Variants in SLC35F3 observed in about 807,000 individuals in gnomAD.
SLC35F3 encodes the protein putative thiamine transporter SLC35F3.
SLC35F3 carries 25 observed loss-of-function variants against 49.9 expected under a neutral mutation model. The ratio of observed to expected loss-of-function variants is 0.50; its 90% CI spans 0.37 to 0.70. The LOEUF (loss-of-function observed/expected upper bound fraction) is 0.70, where lower values mean the gene tolerates loss of function less well. Ranked by LOEUF, SLC35F3 falls within the 30% of genes least tolerant of loss-of-function variation. The probability of loss-of-function intolerance (pLI) is 0.00; values close to 1 mark genes in which losing one functional copy is unlikely to be tolerated. For missense variants in SLC35F3, 525 were observed against 639.8 expected (o/e 0.82, Z 1.94); for synonymous variants, 275 against 265.4 (o/e 1.04, Z -0.35).
intron 3 of SLC35F3, among the ~76,000 whole-genome samples, chr1:234,254,079 G>A (rs145041207): frequency 3.6e-4 from 55 of 152,276 alleles, no homozygotes; most frequent in African/African-American, 1.0e-3. Flanking sequence ...TTATTCTCTC[G>A]CTTGTGACTC....
intron 2 of SLC35F3, among the ~76,000 whole-genome samples, chr1:233,972,585 C>T (rs1455103825): frequency 6.6e-6 from 1 of 152,124 alleles, no homozygotes; most frequent in Non-Finnish European, 1.5e-5. Context: ...ATGGACCAAA[C>T]CATGCACAGC....
chr1:234,309,698 G>T (rs138541740), intron 4 of SLC35F3, among the ~76,000 whole-genome samples: 1 of 152,230 alleles, frequency 6.6e-6, no homozygotes. Flanking sequence ...GTGCCCTGCA[G>T]CCTGGAGCTT....
chr1:233,934,500 A>G (rs1164697158), intron 2 of SLC35F3, among the ~76,000 whole-genome samples: 2 of 152,250 alleles, frequency 1.3e-5, no homozygotes, highest in East Asian at 1.9e-4. Context: ...CTTGTTTTAC[A>G]AATTACCATT....
At chr1:234,019,926 A>C (rs1355684645) in intron 2 of SLC35F3, among the ~76,000 whole-genome samples, 5 of 152,216 alleles carry the variant, frequency 3.3e-5, no homozygotes, top group Non-Finnish European at 7.3e-5. Context: ...TGAGGTTGTT[A>C]CTCAGTTGAC....
At chr1:233,930,155 G>GA (rs55771904) in intron 2 of SLC35F3, among the ~76,000 whole-genome samples, 52,495 of 145,476 alleles carry the variant, frequency 0.36, 10,140 homozygotes, top group Admixed American at 0.53. Flanking sequence ...TTTCTTAAAA[G>GA]AAAAAAAAAA....
Position 234,097,838 on chromosome 1 carries a change from G to A in SLC35F3, c.284-133579G>A, listed in dbSNP as rs191510668. Among the ~76,000 whole-genome samples, 662 of 152,332 alleles carry A rather than the reference G, an allele frequency of 4.3e-3. 4 individuals carry two copies. Among genetic ancestry groups the A allele is most frequent in the African/African-American group, 0.015 (624 of 41,576 alleles). ...CAGGTGTGGTAGAGATAAGAATTTT[G>A]CATATATGAAAGAGATGAAGAGACA... On this transcript the variant is annotated intron_variant, in intron 2 of 7. Coordinates refer to ENST00000366618, the MANE Select transcript of SLC35F3 (RefSeq NM_173508.4).
At chr1:233,943,887 C>A (rs1212660322) in intron 2 of SLC35F3, among the ~76,000 whole-genome samples, 2 of 152,144 alleles carry the variant, frequency 1.3e-5, no homozygotes, top group African/African-American at 4.8e-5. Context: ...TTCCTTCATT[C>A]TTCTTTGAGG....
chr1:233,912,793 ACTTGTG>A (rs1661902631), intron 2 of SLC35F3, among the ~76,000 whole-genome samples: 2 of 152,144 alleles, frequency 1.3e-5, no homozygotes, highest in African/African-American at 4.8e-5. Flanking sequence ...ACAATTCAAA[ACTTGTG>A]ATATGTTTGT....
At chr1:234,115,807 A>G (rs952144854) in intron 2 of SLC35F3, among the ~76,000 whole-genome samples, 3 of 150,598 alleles carry the variant, frequency 2.0e-5, no homozygotes, top group African/African-American at 7.5e-5. Flanking sequence ...ATTGTAAACC[A>G]AAAAGTATCT....
intron 2 of SLC35F3, among the ~76,000 whole-genome samples, chr1:233,975,891 T>A (rs909866008): frequency 6.6e-6 from 1 of 152,192 alleles, no homozygotes; most frequent in African/African-American, 2.4e-5. Flanking sequence ...GACTTGAAGA[T>A]GTGCTTCAAT....
At chr1:234,070,675 A>G (rs573252731) in intron 2 of SLC35F3, among the ~76,000 whole-genome samples, 73 of 152,316 alleles carry the variant, frequency 4.8e-4, no homozygotes, top group African/African-American at 1.6e-3. Flanking sequence ...CATCAGGTTC[A>G]TAGAATTGTT....
At chr1:233,992,088 G>A (rs1663364633) in intron 2 of SLC35F3, among the ~76,000 whole-genome samples, 1 of 152,168 alleles carries the variant, frequency 6.6e-6, no homozygotes, top group Admixed American at 6.5e-5. Flanking sequence ...CCCACACGAT[G>A]GTGAGCAACC....
chr1:233,952,115 C>G (rs1354147584), intron 2 of SLC35F3, among the ~76,000 whole-genome samples: 2 of 151,990 alleles, frequency 1.3e-5, no homozygotes, highest in Non-Finnish European at 2.9e-5. Context: ...TCTGTTCTTA[C>G]AATTTCGTTT....
intron 2 of SLC35F3, among the ~76,000 whole-genome samples, chr1:234,127,413 G>A (rs1416178091): frequency 6.6e-6 from 1 of 152,088 alleles, no homozygotes; most frequent in Non-Finnish European, 1.5e-5. Context: ...CCTTCGAGTT[G>A]GGGGCATCAA....
Position 234,323,098 on chromosome 1 carries a change from T to C in SLC35F3, c.1328T>C (p.Leu443Pro). The change falls in exon 8 of 8, where the codon CTG becomes CCG. Residue 443 changes from leucine to proline, a missense_variant. By Grantham distance (98) the Leu-to-Pro change is moderately conservative. Coordinates refer to ENST00000366618, the MANE Select transcript of SLC35F3 (RefSeq NM_173508.4). This position sits in a 1 kb window ranked among gnomAD's most constrained non-coding sequence, Gnocchi z 4.5. ...GGCCTGGGTTTTCTCCTCCTGCTCC[T>C]GCCAGAGGAGTGGGATGTCTGGTTG... is the stretch of plus-strand genomic sequence containing the variant. ...IIGLGFLLLLLPEEWDVWLIK... is the reference protein window; with the variant it reads ...IIGLGFLLLLPPEEWDVWLIK... The C allele has an allele frequency of 6.2e-7, 1 of 1,614,176 alleles. No individual in the cohort carries two copies.
chr1:234,036,433 G>C (rs180680156), intron 2 of SLC35F3, among the ~76,000 whole-genome samples: 4 of 152,294 alleles, frequency 2.6e-5, no homozygotes, highest in Admixed American at 2.6e-4. Flanking sequence ...GGTCTCTCAG[G>C]TTTCCAAGAT....
At chr1:234,189,372 A>T (rs1187026776) in intron 2 of SLC35F3, among the ~76,000 whole-genome samples, 2 of 151,872 alleles carry the variant, frequency 1.3e-5, no homozygotes, top group Non-Finnish European at 2.9e-5. Flanking sequence ...TAAATAAAAA[A>T]TAGTCACAAC....
intron 2 of SLC35F3, among the ~76,000 whole-genome samples, chr1:234,007,062 G>A (rs528213024): frequency 2.6e-5 from 4 of 152,218 alleles, no homozygotes; most frequent in African/African-American, 9.6e-5. Flanking sequence ...AGCCATAGAC[G>A]GATGGACCTG....
intron 2 of SLC35F3, among the ~76,000 whole-genome samples, chr1:234,013,960 C>T (rs1331869576): frequency 1.3e-5 from 2 of 151,950 alleles, no homozygotes; most frequent in African/African-American, 2.4e-5. Flanking sequence ...TGAGGAAAGC[C>T]ATACATCTGA....
Sources: gnomAD v4.1 joint callset for allele counts (sites outside exome capture counted in the v4.1 genomes callset) on GRCh38, gnomAD v4.1.1 for gene constraint, Gnocchi (gnomAD v3.1) non-coding constraint, MANE v1.5 for transcripts, NCBI Gene and HGNC (gene_info 2026-07-23, HGNC 2026-07-21) for gene names.